PLEKHG1: variants seen among roughly 807,000 people sequenced by gnomAD.
PLEKHG1 encodes the protein pleckstrin homology and RhoGEF domain containing G1, also known as pleckstrin homology domain-containing family G member 1.
Under a neutral mutation model 100.8 loss-of-function variants are expected in PLEKHG1, and 44 were observed. That is an observed-to-expected ratio of 0.44 (90% CI 0.34 to 0.56). The LOEUF (loss-of-function observed/expected upper bound fraction) is 0.56. Ranked by LOEUF, PLEKHG1 falls within the 20% of genes least tolerant of loss-of-function variation. The probability of loss-of-function intolerance (pLI) is 0.01; values close to 1 mark genes in which losing one functional copy is unlikely to be tolerated. For missense variants in PLEKHG1, 1,545 were observed against 1,720.9 expected, an observed-to-expected ratio of 0.90 and a Z score of 1.81; for synonymous variants, 640 against 662.5, an observed-to-expected ratio of 0.97 and a Z score of 0.52.
intron 6 of PLEKHG1, among the ~76,000 whole-genome samples, chr6:150,802,686 G>C (rs1262021941): frequency 1.4e-5 from 2 of 143,374 alleles, no homozygotes; most frequent in Non-Finnish European, 3.0e-5. Flanking sequence ...TTTTGAGATG[G>C]AGTTTCACTC....
chr6:150,751,273 AC>A (rs1783495845), intron 2 of PLEKHG1, among the ~76,000 whole-genome samples: 1 of 19,438 alleles, frequency 5.1e-5, no homozygotes, highest in African/African-American at 3.0e-4. Context: ...TGGAATGAAT[AC>A]TTTTTTTTTT....
chr6:150,786,710 G>A (rs1307389030), intron 4 of PLEKHG1, among the ~76,000 whole-genome samples: 7 of 152,070 alleles, frequency 4.6e-5, no homozygotes, highest in Admixed American at 4.6e-4. Flanking sequence ...TAAAGCTTGG[G>A]AGGGGAGAGT....
At chr6:150,703,770 T>C (rs919223099) in intron 3 of PLEKHG1, among the ~76,000 whole-genome samples, 3 of 152,170 alleles carry the variant, frequency 2.0e-5, no homozygotes, top group African/African-American at 7.2e-5. Context: ...GCAATACATA[T>C]GAATCACAGG....
At chr6:150,778,119 C>T (rs1022061374) in intron 3 of PLEKHG1, among the ~76,000 whole-genome samples, 18 of 152,218 alleles carry the variant, frequency 1.2e-4, no homozygotes, top group Non-Finnish European at 2.5e-4. Flanking sequence ...TCATTCTATC[C>T]TGGTTTGCAA....
At chr6:150,617,305 C>T (rs1777112802) in intron 1 of PLEKHG1, among the ~76,000 whole-genome samples, 1 of 152,162 alleles carries the variant, frequency 6.6e-6, no homozygotes, top group Admixed American at 6.5e-5. Flanking sequence ...TAAGAGACTT[C>T]CTTTTTAAAA....
intron 1 of PLEKHG1, among the ~76,000 whole-genome samples, chr6:150,609,470 C>T (rs573006801): frequency 2.0e-5 from 3 of 152,086 alleles, no homozygotes; most frequent in South Asian, 4.1e-4. Context: ...GAGAAATAAG[C>T]TCCATGAGTT....
intron 2 of PLEKHG1, among the ~76,000 whole-genome samples, chr6:150,751,732 T>G (rs934269697): frequency 6.6e-6 from 1 of 152,160 alleles, no homozygotes; most frequent in Non-Finnish European, 1.5e-5. Flanking sequence ...AAAGAACTCC[T>G]TAGTAGTCCA....
chr6:150,811,366 C>T (rs1255329157), intron 10 of PLEKHG1, among the ~76,000 whole-genome samples: 2 of 151,640 alleles, frequency 1.3e-5, no homozygotes, highest in East Asian at 1.9e-4. Context: ...ACCTCCTGGG[C>T]TCAAGACATC....
Position 150,823,639 on chromosome 6 carries a change from AC to A in PLEKHG1, c.1448-14del. ...TTTTCATTCTCAAACTTGAAAAAAA[AC>A]TTTTATTTTTCAGAAACAGCACAAG... On this transcript the variant is annotated splice_polypyrimidine_tract_variant and intron_variant, in intron 13 of 15. Coordinates refer to ENST00000358517, the Ensembl canonical transcript of PLEKHG1. 1 of 1,590,816 alleles carries A rather than the reference AC, an allele frequency of 6.3e-7. No homozygotes were observed.
intron 10 of PLEKHG1, among the ~76,000 whole-genome samples, chr6:150,814,580 G>T (rs1165349691): frequency 6.6e-6 from 1 of 152,202 alleles, no homozygotes; most frequent in East Asian, 1.9e-4. Context: ...AATAAAAACA[G>T]AGGCTGAGAG....
At chr6:150,779,321 AG>A (rs1297188377) in intron 3 of PLEKHG1, among the ~76,000 whole-genome samples, 1 of 139,870 alleles carries the variant, frequency 7.1e-6, no homozygotes, top group Non-Finnish European at 1.5e-5. Flanking sequence ...TTTAAAACAC[AG>A]GGGGTTAAAT....
At chr6:150,718,967 A>G (rs866009309), upstream of PLEKHG1, among the ~76,000 whole-genome samples, 8 of 152,288 alleles carry the variant, frequency 5.3e-5, no homozygotes, top group South Asian at 2.1e-4. Context: ...ATGAAATTCA[A>G]CATACTTTAA....
intron 3 of PLEKHG1, among the ~76,000 whole-genome samples, chr6:150,702,882 G>C (rs1025741131): frequency 5.3e-5 from 8 of 152,100 alleles, no homozygotes; most frequent in African/African-American, 1.9e-4. Flanking sequence ...CTGATGACCT[G>C]CTGCGTTCAT....
chr6:150,717,887 A>G (rs1781502866), upstream of PLEKHG1, among the ~76,000 whole-genome samples: 1 of 152,090 alleles, frequency 6.6e-6, no homozygotes, highest in African/African-American at 2.4e-5. Flanking sequence ...ACCCGCCTCG[A>G]CAATATGGGG....
intron 14 of PLEKHG1, among the ~76,000 whole-genome samples, 180 bp from the exon 16 acceptor site, chr6:150,830,397 AGGATT>A (rs1776850426): frequency 6.6e-6 from 1 of 152,124 alleles, no homozygotes. Context: ...CTGAGGTGGG[AGGATT>A]GCTTGAGCCC....
intron 1 of PLEKHG1, among the ~76,000 whole-genome samples, chr6:150,730,345 G>GGA: frequency 7.8e-6 from 1 of 127,406 alleles, no homozygotes; most frequent in African/African-American, 2.8e-5. Context: ...GGGGTGTGGG[G>GGA]GTGGGGGAGT....
intron 2 of PLEKHG1, among the ~76,000 whole-genome samples, chr6:150,735,266 A>T (rs1782505519): frequency 6.6e-6 from 1 of 150,748 alleles, no homozygotes; most frequent in South Asian, 2.1e-4. Flanking sequence ...GATTACAGGC[A>T]TGAGCCACCG....
At chr6:150,827,686 T>C in intron 14 of PLEKHG1, 1 of 1,008,842 alleles carries the variant, frequency 9.9e-7, no homozygotes, top group Non-Finnish European at 1.6e-6. Context: ...ACGCAGACAC[T>C]GAGTGGAATG....
chr6:150,806,223 C>CTTTTTT (rs58040509), intron 7 of PLEKHG1, among the ~76,000 whole-genome samples: 24 of 89,774 alleles, frequency 2.7e-4, no homozygotes, highest in African/African-American at 4.0e-4. Context: ...TTCCAGGCTG[C>CTTTTTT]TTTTTTTTTT....
Sources: allele counts gnomAD v4.1 joint callset (sites outside exome capture counted in the v4.1 genomes callset), GRCh38; gene constraint gnomAD v4.1.1; transcripts MANE v1.5; gene names NCBI Gene and HGNC (gene_info 2026-07-23, HGNC 2026-07-21).